The following PSMB5 variants were observed in gnomAD, a reference collection of about 807,000 sequenced individuals.
The protein encoded by PSMB5 is proteasome subunit beta type-5.
Under a neutral mutation model 22.8 loss-of-function variants are expected in PSMB5, and 2 were observed. That is an observed-to-expected ratio of 0.09 (90% CI 0.04 to 0.28). The LOEUF (loss-of-function observed/expected upper bound fraction) is 0.28, where lower values mean the gene tolerates loss of function less well. Ranked by LOEUF, PSMB5 falls within the 10% of genes least tolerant of loss-of-function variation. PSMB5 has a pLI of 1.00. For missense variants in PSMB5, 269 were observed against 343.8 expected (o/e 0.78, Z 1.72); for synonymous variants, 133 against 135.3 (o/e 0.98, Z 0.12).
intron 2 of PSMB5, among the ~76,000 whole-genome samples, chr14:23,026,639 G>A (rs572156259): frequency 2.0e-4 from 31 of 151,264 alleles, no homozygotes; most frequent in South Asian, 1.0e-3. Context: ...TAGTAGAGAC[G>A]GGGTTTCACC....
intron 1 of PSMB5, among the ~76,000 whole-genome samples, chr14:23,034,125 CA>C (rs56294105): frequency 0.015 from 1,447 of 93,518 alleles, 13 homozygotes; most frequent in African/African-American, 0.039. Flanking sequence ...AGCCCTGTTT[CA>C]AAAAAAAAAA....
intron 2 of PSMB5, among the ~76,000 whole-genome samples, chr14:23,031,139 T>C (rs1281592643): frequency 6.6e-6 from 1 of 152,202 alleles, no homozygotes; most frequent in Non-Finnish European, 1.5e-5. Flanking sequence ...GGAAGGCCTC[T>C]TGAAGAAGGC....
intron 2 of PSMB5, among the ~76,000 whole-genome samples, chr14:23,032,830 C>T (rs2046963156): frequency 6.6e-6 from 1 of 150,792 alleles, no homozygotes. Flanking sequence ...GATCTCCTGA[C>T]CTCGTGATCC....
intron 1 of PSMB5, 32 bp from the exon 2 acceptor site, chr14:23,033,706 C>T (rs760586349): frequency 6.4e-7 from 1 of 1,568,924 alleles, no homozygotes. Flanking sequence ...ACAAAACAGG[C>T]CACATAAGAC....
At chr14:23,029,039 C>T (rs1000728302) in intron 2 of PSMB5, among the ~76,000 whole-genome samples, 2 of 152,212 alleles carry the variant, frequency 1.3e-5, no homozygotes, top group Admixed American at 1.3e-4. Flanking sequence ...GCACTAGAGT[C>T]ATCTAACAAA....
chr14:23,030,710 C>G (rs78295775), intron 2 of PSMB5, among the ~76,000 whole-genome samples: 2 of 151,820 alleles, frequency 1.3e-5, no homozygotes, highest in Admixed American at 6.6e-5. Context: ...GTGGATCACC[C>G]GAGGTCAGGA....
chr14:23,028,120 G>A (rs2046929453), intron 2 of PSMB5, among the ~76,000 whole-genome samples: 1 of 151,146 alleles, frequency 6.6e-6, no homozygotes, highest in Admixed American at 6.6e-5. Context: ...TCCAGCCTGG[G>A]CAACAAGAGT....
intron 2 of PSMB5, among the ~76,000 whole-genome samples, chr14:23,027,108 C>T (rs1322862924): frequency 2.0e-5 from 3 of 149,366 alleles, no homozygotes; most frequent in South Asian, 2.1e-4. Context: ...ATAGGCCAGG[C>T]GCGGTGGCTA....
intron 1 of PSMB5, 76 bp downstream of exon 1, chr14:23,034,608 A>G: frequency 6.5e-7 from 1 of 1,545,508 alleles, no homozygotes; most frequent in Non-Finnish European, 8.8e-7. Flanking sequence ...GGCCACCGCA[A>G]ACTCCGGTCA....
chr14:23,035,082 T>A, upstream of PSMB5: 1 of 1,041,872 alleles, frequency 9.6e-7, no homozygotes, highest in Non-Finnish European at 1.3e-6. Context: ...ATAGATGGCT[T>A]CACTAACCTT....
upstream of PSMB5, chr14:23,035,080 C>T (rs1423726872): frequency 6.7e-6 from 7 of 1,038,502 alleles, no homozygotes; most frequent in South Asian, 1.8e-5. Context: ...AAATAGATGG[C>T]TTCACTAACC....
In PSMB5 at chr14:23,034,877, G is replaced by A. The variant is rs1289853599; in HGVS notation, c.5C>T (p.Ala2Val). Reference protein sequence around the residue: MALASVLERPLP... With the variant: MVLASVLERPLP... ...CGGTCTCTCCAACACGCTGGCAAGC[G>A]CCATGTCTAGTGTGGGCAGAAAGAA... Residue 2 changes from alanine (A) to valine (V), a missense_variant, in exon 1 of 3, where the codon GCG becomes GTG. Transcript: ENST00000361611. 1 of 1,613,820 alleles carries A rather than the reference G, an allele frequency of 6.2e-7. No individual in the cohort carries two copies. Among genetic ancestry groups the A allele is most frequent in the African/African-American group, 1.3e-5 (1 of 74,912 alleles).
At chr14:23,026,677 T>C (rs2046916341) in intron 2 of PSMB5, among the ~76,000 whole-genome samples, 1 of 151,556 alleles carries the variant, frequency 6.6e-6, no homozygotes, top group South Asian at 2.1e-4. Flanking sequence ...CTTGAACTCC[T>C]GACCTCTGGG....
intron 2 of PSMB5, among the ~76,000 whole-genome samples, chr14:23,030,288 G>A (rs1181856405): frequency 6.6e-6 from 1 of 151,042 alleles, no homozygotes; most frequent in Non-Finnish European, 1.5e-5. Flanking sequence ...AGGAGATTGA[G>A]ACCATCCTGG....
intron 1 of PSMB5, chr14:23,034,397 C>A: frequency 2.7e-6 from 1 of 368,282 alleles, no homozygotes; most frequent in Middle Eastern, 7.5e-4. Context: ...CCTTTCCCAG[C>A]TAGAAGATCC....
chr14:23,026,511 G>A (rs930494428), intron 2 of PSMB5, 136 bp from the exon 3 acceptor site: 42 of 1,216,270 alleles, frequency 3.5e-5, no homozygotes, highest in African/African-American at 6.1e-5. Context: ...GTGCAATGGC[G>A]CAATCTCGGC....
At chr14:23,034,405 T>G in intron 1 of PSMB5, 1 of 400,686 alleles carries the variant, frequency 2.5e-6, no homozygotes, top group Admixed American at 4.1e-5. Flanking sequence ...AGCTAGAAGA[T>G]CCTGAACAGC....
At chr14:23,031,346 A>G (rs1412918469) in intron 2 of PSMB5, among the ~76,000 whole-genome samples, 1 of 152,352 alleles carries the variant, frequency 6.6e-6, no homozygotes, top group East Asian at 1.9e-4. Context: ...CTCAATTTCC[A>G]AAGTAACAAA....
chr14:23,035,110 A>G, upstream of PSMB5: 3 of 779,836 alleles, frequency 3.8e-6, no homozygotes, highest in Non-Finnish European at 1.9e-6. Flanking sequence ...AAAAGGACGT[A>G]CCTGCCATCT....
Sources: allele counts gnomAD v4.1 joint callset (sites outside exome capture counted in the v4.1 genomes callset), GRCh38; gene constraint gnomAD v4.1.1; transcripts MANE v1.5; gene names NCBI Gene and HGNC (gene_info 2026-07-23, HGNC 2026-07-21).